Variants in SNX6 observed in about 807,000 individuals in gnomAD.
SNX6 encodes sorting nexin-6.
Under a neutral mutation model 63.0 loss-of-function variants are expected in SNX6, and 34 were observed. The ratio of observed to expected loss-of-function variants is 0.54; its 90% CI spans 0.41 to 0.72. The LOEUF is 0.72. Among genes scored for constraint, SNX6 ranks in the 30% least tolerant of loss-of-function variants. The pLI, the probability that SNX6 is intolerant of heterozygous loss-of-function variation, is 0.00. For missense variants in SNX6, 398 were observed against 471.4 expected (o/e 0.84, Z 1.44); for synonymous variants, 170 against 164.2 (o/e 1.04, Z -0.27).
rs1216315143 is a variant in SNX6, at chr14:34,600,911, G to A, written c.516+2437C>T. On this transcript the variant is annotated intron_variant, in intron 6 of 13. Transcript: ENST00000362031. ...AATTAGCCAGGTATGGTGGCTACTCGGGAGGTGGAGGCAGAGGAGTCGCTT... is the reference window on the plus strand; with the variant it reads ...AATTAGCCAGGTATGGTGGCTACTCAGGAGGTGGAGGCAGAGGAGTCGCTT... Among the ~76,000 whole-genome samples, 7 of 151,816 alleles carry A rather than the reference G, an allele frequency of 4.6e-5. 1 individual carries two copies. The South Asian group carries it at 6.2e-4, about 14-fold the overall frequency.
At chr14:34,599,136 G>C (rs1047616074) in intron 6 of SNX6, among the ~76,000 whole-genome samples, 4 of 152,152 alleles carry the variant, frequency 2.6e-5, no homozygotes, top group Admixed American at 2.6e-4. Context: ...AAATTCTGTT[G>C]TTTATAAATT....
chr14:34,565,222 C>T (rs1035599962), intron 13 of SNX6, among the ~76,000 whole-genome samples: 7 of 151,670 alleles, frequency 4.6e-5, no homozygotes, highest in African/African-American at 9.7e-5. Context: ...GGACTACAGG[C>T]GCCCGCCACC....
At chr14:34,619,701 CTCA>C (rs1396415966) in intron 2 of SNX6, among the ~76,000 whole-genome samples, 4 of 152,000 alleles carry the variant, frequency 2.6e-5, no homozygotes, top group Non-Finnish European at 5.9e-5. Flanking sequence ...ACAATGTAAC[CTCA>C]TCAACACCTC....
intron 2 of SNX6, among the ~76,000 whole-genome samples, chr14:34,610,729 T>C (rs1883196345): frequency 6.6e-6 from 1 of 152,152 alleles, no homozygotes; most frequent in Admixed American, 6.6e-5. Flanking sequence ...CTGTTTTTCT[T>C]ACTCTTTAAA....
At chr14:34,603,553 C>T (rs1443918362) in intron 5 of SNX6, 82 bp from the exon 6 acceptor site, 12 of 1,203,976 alleles carry the variant, frequency 1.0e-5, no homozygotes, top group Admixed American at 2.8e-5. Flanking sequence ...AGAAAATACT[C>T]TTTGGATTAT....
At chr14:34,585,003 C>A (rs1882096394) in intron 9 of SNX6, among the ~76,000 whole-genome samples, 1 of 151,974 alleles carries the variant, frequency 6.6e-6, no homozygotes, top group Non-Finnish European at 1.5e-5. Context: ...CAGACACCTG[C>A]CACCACACTT....
At chr14:34,610,015 T>C (rs1366192046) in intron 2 of SNX6, among the ~76,000 whole-genome samples, 1 of 152,026 alleles carries the variant, frequency 6.6e-6, no homozygotes, top group Non-Finnish European at 1.5e-5. Flanking sequence ...TTAATCATGA[T>C]TTATTATAGT....
chr14:34,616,027 C>A (rs1383196213), intron 2 of SNX6, among the ~76,000 whole-genome samples: 1 of 152,188 alleles, frequency 6.6e-6, no homozygotes, highest in Non-Finnish European at 1.5e-5. Flanking sequence ...GTGATCTTGG[C>A]TCACTGCAAT....
At chr14:34,592,241 C>G (rs1020295478) in intron 8 of SNX6, among the ~76,000 whole-genome samples, 3 of 152,112 alleles carry the variant, frequency 2.0e-5, no homozygotes, top group African/African-American at 7.2e-5. Flanking sequence ...CAAAAATTAG[C>G]CAGGCGCGGT....
At chr14:34,601,225 T>C (rs1232815881) in intron 6 of SNX6, among the ~76,000 whole-genome samples, 2 of 5,270 alleles carry the variant, frequency 3.8e-4, no homozygotes, top group East Asian at 0.012. Context: ...ATTTCTTTTT[T>C]TTTTTTTTTT....
chr14:34,584,994 A>T (rs545497475), intron 9 of SNX6, among the ~76,000 whole-genome samples: 1 of 152,104 alleles, frequency 6.6e-6, no homozygotes, highest in Admixed American at 6.6e-5. Context: ...CTGGGATTAC[A>T]GACACCTGCC....
intron 10 of SNX6, among the ~76,000 whole-genome samples, chr14:34,580,548 A>G (rs1447799092): frequency 6.6e-6 from 1 of 151,300 alleles, no homozygotes; most frequent in Non-Finnish European, 1.5e-5. Flanking sequence ...TGATCCTCCC[A>G]CCTCACCCTT....
intron 11 of SNX6, among the ~76,000 whole-genome samples, chr14:34,574,601 C>G (rs1225313913): frequency 3.2e-4 from 35 of 107,770 alleles, no homozygotes; most frequent in African/African-American, 1.3e-3. Context: ...AGTTGGGTGA[C>G]AGAGTGAGAC....
intron 6 of SNX6, among the ~76,000 whole-genome samples, chr14:34,599,657 C>T (rs1882730944): frequency 6.6e-6 from 1 of 151,486 alleles, no homozygotes; most frequent in Non-Finnish European, 1.5e-5. Flanking sequence ...GCCTGTAATC[C>T]CAGCTACTCG....
chr14:34,563,108 AGGCGGAGTGT>A lies in SNX6; in HGVS notation c.*4_*13del. 1 of 1,613,186 alleles carries A rather than the reference AGGCGGAGTGT, an allele frequency of 6.2e-7. No homozygotes were observed. Among genetic ancestry groups the A allele is most frequent in the Non-Finnish European group, 8.5e-7 (1 of 1,179,306 alleles). Reference sequence around the variant, plus strand: ...AGGAAGGCAGCCCTTTTTAACAGGAAGGCGGAGTGTGGCTTATGTGTCTCCATTTAACACT... The same window carrying A: ...AGGAAGGCAGCCCTTTTTAACAGGAAGGCTTATGTGTCTCCATTTAACACT... On this transcript the variant is annotated 3_prime_UTR_variant, in exon 14 of 14. Coordinates refer to ENST00000362031, the MANE Select transcript of SNX6 (RefSeq NM_152233.4).
chr14:34,572,039 G>T (rs1179597824), intron 11 of SNX6, among the ~76,000 whole-genome samples: 2 of 152,060 alleles, frequency 1.3e-5, no homozygotes, highest in Non-Finnish European at 2.9e-5. Flanking sequence ...TGGATCACTG[G>T]ATAGTATATT....
chr14:34,590,080 G>A (rs1342216282), intron 8 of SNX6, among the ~76,000 whole-genome samples: 1 of 152,030 alleles, frequency 6.6e-6, no homozygotes, highest in Non-Finnish European at 1.5e-5. Flanking sequence ...CACTCATCCT[G>A]GGTGACAGAG....
At chr14:34,574,758 A>G (rs751487888) in intron 11 of SNX6, among the ~76,000 whole-genome samples, 2 of 151,086 alleles carry the variant, frequency 1.3e-5, no homozygotes, top group Non-Finnish European at 2.9e-5. Flanking sequence ...GGGTTTCTCC[A>G]TGTTGATCAG....
At chr14:34,624,134 CTT>C (rs749371692) in intron 2 of SNX6, among the ~76,000 whole-genome samples, 26 of 151,880 alleles carry the variant, frequency 1.7e-4, no homozygotes, top group Non-Finnish European at 3.1e-4. Context: ...CAGTTTCGCT[CTT>C]GTCGCCCAGG....
Sources: gnomAD v4.1 joint callset for allele counts (sites outside exome capture counted in the v4.1 genomes callset) on GRCh38, gnomAD v4.1.1 for gene constraint, MANE v1.5 for transcripts, NCBI Gene and HGNC (gene_info 2026-07-23, HGNC 2026-07-21) for gene names.